HMGB1: variants seen among roughly 807,000 people sequenced by gnomAD.
HMGB1 encodes high mobility group protein B1.
For synonymous variants in HMGB1, 81 were observed against 84.0 expected, an observed-to-expected ratio of 0.96 and a Z score of 0.19; for missense variants, 79 against 253.5, an observed-to-expected ratio of 0.31 and a Z score of 4.67.
intron 1 of HMGB1, among the ~76,000 whole-genome samples, chr13:30,538,687 TTC>T (rs1441204163): frequency 6.8e-4 from 53 of 77,640 alleles, no homozygotes; most frequent in African/African-American, 1.3e-3. Flanking sequence ...TTTCTTTCCT[TTC>T]TTTCTTTCTT....
intron 1 of HMGB1, among the ~76,000 whole-genome samples, chr13:30,572,338 G>C (rs549118501): frequency 2.1e-4 from 32 of 152,254 alleles, no homozygotes; most frequent in African/African-American, 7.5e-4. Context: ...AATGACATTG[G>C]AATTGATTGC....
intron 1 of HMGB1, among the ~76,000 whole-genome samples, chr13:30,568,852 C>T (rs2137532116): frequency 6.6e-6 from 1 of 152,138 alleles, no homozygotes; most frequent in South Asian, 2.1e-4. Flanking sequence ...ATGGCAATGG[C>T]AGTATTAGGA....
intron 1 of HMGB1, among the ~76,000 whole-genome samples, chr13:30,593,596 AG>A (rs527551144): frequency 4.1e-4 from 63 of 152,378 alleles, no homozygotes; most frequent in African/African-American, 1.4e-3. Flanking sequence ...AACATTTTCT[AG>A]GAAGTTGATT....
intron 1 of HMGB1, among the ~76,000 whole-genome samples, chr13:30,604,803 G>A (rs563312439): frequency 8.7e-4 from 132 of 152,156 alleles, no homozygotes; most frequent in Non-Finnish European, 1.6e-3. Context: ...GACTACGGGC[G>A]CGTGCCACCA....
Position 30,474,931 on chromosome 13 carries a change from T to TC in HMGB1, c.-14-11238_-14-11237insG, listed in dbSNP as rs1565999215. On this transcript the variant is annotated intron_variant, in intron 1 of 4. Coordinates refer to the HMGB1 transcript ENST00000405805. Reference sequence around the variant, plus strand: ...ATGGTGCAACCTTGGCTCACTCTCTTTCTCTTTTTTTTTTCTTTTCTTTTT... The same window carrying TC: ...ATGGTGCAACCTTGGCTCACTCTCTTCTCTCTTTTTTTTTTCTTTTCTTTTT... Among the ~76,000 whole-genome samples the TC allele has an allele frequency of 2.2e-4, 27 of 121,546 alleles. 1 individual carries two copies. The East Asian group carries it at 5.8e-3, about 26-fold the overall frequency. 79.7% of individuals were successfully genotyped at this position (121,546 alleles called of 152,430 possible). A position where few individuals can be genotyped will look rare whatever the true frequency, so the allele number is the denominator to read the frequency against.
chr13:30,461,917 T>A (rs73451910), intron 4 of HMGB1, among the ~76,000 whole-genome samples: 1,650 of 151,980 alleles, frequency 0.011, 36 homozygotes, highest in African/African-American at 0.037. Context: ...TAATCCTTAG[T>A]AGGAAATGTG....
At chr13:30,510,537 AT>A (rs59254484) in intron 1 of HMGB1, among the ~76,000 whole-genome samples, 15,561 of 150,826 alleles carry the variant, frequency 0.1, 1,208 homozygotes, top group African/African-American at 0.2. Context: ...TCAAGCTATG[AT>A]TTTTTTTTTC....
intron 1 of HMGB1, among the ~76,000 whole-genome samples, chr13:30,546,312 C>T (rs930736244): frequency 1.3e-5 from 2 of 152,142 alleles, no homozygotes; most frequent in Non-Finnish European, 2.9e-5. Flanking sequence ...GACGGGGTTT[C>T]ACCATGTTGG....
chr13:30,617,411 C>A (rs573958810), exon 1 of HMGB1: 479 of 152,146 alleles, frequency 3.1e-3, no homozygotes, highest in Middle Eastern at 0.017. Flanking sequence ...ATGCCCGGCG[C>A]GGCCCAGCTG....
At chr13:30,499,799 A>G (rs978638228) in intron 1 of HMGB1, among the ~76,000 whole-genome samples, 1 of 152,244 alleles carries the variant, frequency 6.6e-6, no homozygotes, top group Non-Finnish European at 1.5e-5. Context: ...TGAAGAATTA[A>G]GAAAACTGCT....
upstream of HMGB1, among the ~76,000 whole-genome samples, chr13:30,467,519 C>G (rs527372919): frequency 1.3e-5 from 2 of 152,138 alleles, no homozygotes; most frequent in African/African-American, 4.8e-5. Flanking sequence ...ATGAAAAAGA[C>G]TATAATATTA....
chr13:30,610,889 T>C (rs990465874), intron 1 of HMGB1, among the ~76,000 whole-genome samples: 2 of 152,184 alleles, frequency 1.3e-5, no homozygotes, highest in Non-Finnish European at 2.9e-5. Context: ...AGACCACCAG[T>C]GGCTTAAAAA....
rs1202743846 is a variant in HMGB1, at chr13:30,458,647, A to G, written c.*2710T>C. On this transcript the variant is annotated 3_prime_UTR_variant, in exon 5 of 5. Coordinates refer to ENST00000341423, the MANE Select transcript of HMGB1 (RefSeq NM_002128.7). Reference sequence around the variant, plus strand: ...CCCGGCCTCTCCTGTAGTTTTCAACATAGTTAAATCCTACAATGTCTGAGC... The same window carrying G: ...CCCGGCCTCTCCTGTAGTTTTCAACGTAGTTAAATCCTACAATGTCTGAGC... 6.6e-6 allele frequency: 1 copy of G among 152,158 alleles called. No individual in the cohort carries two copies. Among genetic ancestry groups the G allele is most frequent in the African/African-American group, 2.4e-5 (1 of 41,422 alleles). 9.4% of individuals were successfully genotyped at this position (152,158 alleles called of 1,614,324 possible). A position where few individuals can be genotyped will look rare whatever the true frequency, so the allele number is the denominator to read the frequency against.
At chr13:30,546,259 G>T (rs980661286) in intron 1 of HMGB1, among the ~76,000 whole-genome samples, 4 of 152,186 alleles carry the variant, frequency 2.6e-5, no homozygotes, top group Non-Finnish European at 5.9e-5. Context: ...GGGACTACAG[G>T]TGTGCATCGC....
intron 1 of HMGB1, among the ~76,000 whole-genome samples, chr13:30,576,292 T>C (rs1870652159): frequency 6.6e-6 from 1 of 152,194 alleles, no homozygotes; most frequent in Non-Finnish European, 1.5e-5. Flanking sequence ...GCCTGTACCA[T>C]GAAAGAGACA....
At chr13:30,534,231 C>A (rs1593294904) in intron 1 of HMGB1, among the ~76,000 whole-genome samples, 1 of 152,328 alleles carries the variant, frequency 6.6e-6, no homozygotes, top group East Asian at 1.9e-4. Context: ...CATTCTGATT[C>A]AAGTTCCTTC....
In HMGB1 at chr13:30,462,653, C is replaced by G; in HGVS notation, c.356G>C (p.Gly119Ala). Reference protein sequence around the residue: ...YRPKIKGEHPGLSIGDVAKKL... With the variant: ...YRPKIKGEHPALSIGDVAKKL... ...CTTCGCAACATCACCAATGGACAGG[C>G]CAGGATGTTCTCCTTTGATTTTTGG... The change falls in exon 4 of 5, where the codon GGC becomes GCC. Residue 119 changes from glycine to alanine, a missense_variant. By Grantham distance (60) the Gly-to-Ala change is moderately conservative. Coordinates refer to ENST00000341423, the MANE Select transcript of HMGB1 (RefSeq NM_002128.7). 6.2e-7 allele frequency: 1 copy of G among 1,611,640 alleles called. No individual in the cohort carries two copies. The highest frequency in any genetic ancestry group is 8.5e-7 in the Non-Finnish European group (1 of 1,177,948).
At chr13:30,498,437 G>T (rs1887659859) in intron 1 of HMGB1, among the ~76,000 whole-genome samples, 1 of 152,010 alleles carries the variant, frequency 6.6e-6, no homozygotes, top group South Asian at 2.1e-4. Flanking sequence ...GCAGGAGCGG[G>T]AGGGGCTGGA....
chr13:30,565,602 G>A (rs1870153037), intron 1 of HMGB1, among the ~76,000 whole-genome samples: 1 of 152,156 alleles, frequency 6.6e-6, no homozygotes, highest in African/African-American at 2.4e-5. Context: ...CAAATCACCT[G>A]GAGATCTTGT....
Sources: gnomAD v4.1 joint callset for allele counts (sites outside exome capture counted in the v4.1 genomes callset) on GRCh38, gnomAD v4.1.1 for gene constraint, MANE v1.5 for transcripts, NCBI Gene and HGNC (gene_info 2026-07-23, HGNC 2026-07-21) for gene names.